ERCC6L2: variants seen among roughly 807,000 people sequenced by gnomAD.
The protein encoded by ERCC6L2 is DNA excision repair protein ERCC-6-like 2.
ERCC6L2 carries 77 observed loss-of-function variants against 132.0 expected under a neutral mutation model. That is an observed-to-expected ratio of 0.58 (90% CI 0.49 to 0.71). The LOEUF (loss-of-function observed/expected upper bound fraction) is 0.71. Among genes scored for constraint, ERCC6L2 ranks in the 30% least tolerant of loss-of-function variants. ERCC6L2 has a pLI of 0.00. For missense variants in ERCC6L2, 1,542 were observed against 1,837.6 expected, an observed-to-expected ratio of 0.84 and a Z score of 2.94; for synonymous variants, 583 against 632.4, an observed-to-expected ratio of 0.92 and a Z score of 1.17.
intron 2 of ERCC6L2, among the ~76,000 whole-genome samples, 197 bp downstream of exon 2, chr9:95,881,490 C>T (rs896666874): frequency 1.3e-5 from 2 of 152,068 alleles, no homozygotes; most frequent in African/African-American, 2.4e-5. Context: ...TTCTTCAGTA[C>T]CTATGAAATA....
chr9:95,914,089 G>A (rs1049315606), intron 4 of ERCC6L2, among the ~76,000 whole-genome samples: 3 of 152,130 alleles, frequency 2.0e-5, no homozygotes, highest in African/African-American at 4.8e-5. Flanking sequence ...TAGAACAATC[G>A]CTGTGCTTTT....
intron 17 of ERCC6L2, among the ~76,000 whole-genome samples, chr9:95,979,666 T>G (rs536867341): frequency 6.6e-6 from 1 of 152,320 alleles, no homozygotes; most frequent in Non-Finnish European, 1.5e-5. Flanking sequence ...GAAAGCATTC[T>G]TTCATGACCC....
intron 13 of ERCC6L2, among the ~76,000 whole-genome samples, chr9:95,963,762 G>A (rs1288314516): frequency 6.6e-6 from 1 of 151,938 alleles, no homozygotes; most frequent in South Asian, 2.1e-4. Flanking sequence ...AAAGAATAAG[G>A]CCTTTGTGTA....
At chr9:95,928,206 A>G (rs777674801) in intron 10 of ERCC6L2, 56 bp downstream of exon 10, 2 of 1,232,100 alleles carry the variant, frequency 1.6e-6, no homozygotes, top group Admixed American at 3.5e-5. Flanking sequence ...TGAGGCATAA[A>G]GAATAAAGCA....
In ERCC6L2 at chr9:96,010,748, G is replaced by A. The variant is rs532809370; in HGVS notation, c.3675-1477G>A. 7.9e-5 allele frequency among the ~76,000 whole-genome samples: 12 copies of A among 152,290 alleles called. No homozygotes were observed. The South Asian group carries it at 2.5e-3, about 32-fold the overall frequency. ...ACCTCATGGTAAATTTACATTATGG[G>A]TTTATCACTCTATTCTACTTTGATT... is the stretch of plus-strand genomic sequence containing the variant. On this transcript the variant is annotated intron_variant, in intron 18 of 18. Transcript: ENST00000653738.
intron 13 of ERCC6L2, among the ~76,000 whole-genome samples, chr9:95,960,943 T>C (rs183444764): frequency 1.6e-4 from 25 of 152,276 alleles, no homozygotes; most frequent in African/African-American, 5.3e-4. Context: ...ACACTTAATA[T>C]TGTTTTTGAA....
chr9:95,927,709 G>T (rs1830161829), intron 9 of ERCC6L2, among the ~76,000 whole-genome samples: 1 of 152,114 alleles, frequency 6.6e-6, no homozygotes, highest in South Asian at 2.1e-4. Context: ...TTCCTAAAAG[G>T]AATGCTGCTC....
chr9:95,964,050 G>C (rs757073803), intron 13 of ERCC6L2, among the ~76,000 whole-genome samples: 5 of 152,102 alleles, frequency 3.3e-5, no homozygotes, highest in East Asian at 1.9e-4. Context: ...TTCCTCATCA[G>C]ACCTGCACGC....
intron 4 of ERCC6L2, among the ~76,000 whole-genome samples, chr9:95,908,880 T>A (rs1305379298): frequency 6.6e-6 from 1 of 152,138 alleles, no homozygotes; most frequent in Non-Finnish European, 1.5e-5. Flanking sequence ...GGTGATACTT[T>A]CACATCAGCA....
intron 4 of ERCC6L2, 123 bp downstream of exon 4, chr9:95,907,394 G>A (rs936692569): frequency 1.0e-5 from 8 of 777,862 alleles, no homozygotes; most frequent in South Asian, 5.1e-5. Flanking sequence ...TAGTAAAGAC[G>A]GAGTTTCGCC....
intron 18 of ERCC6L2, among the ~76,000 whole-genome samples, chr9:96,008,432 C>G (rs2133213926): frequency 6.6e-6 from 1 of 152,272 alleles, no homozygotes; most frequent in South Asian, 2.1e-4. Context: ...GCTTTCTTTT[C>G]CATGTATTTG....
intron 14 of ERCC6L2, chr9:95,967,509 A>T (rs1212175242): frequency 6.6e-6 from 1 of 152,180 alleles, no homozygotes; most frequent in Non-Finnish European, 1.5e-5. Context: ...TCCTTGAGGA[A>T]CTTAAACCAT....
At chr9:95,899,469 G>A (rs1199307294) in intron 3 of ERCC6L2, among the ~76,000 whole-genome samples, 1 of 151,914 alleles carries the variant, frequency 6.6e-6, no homozygotes, top group Admixed American at 6.6e-5. Flanking sequence ...GAACAAGAAT[G>A]AAAGAAAAGA....
intron 12 of ERCC6L2, among the ~76,000 whole-genome samples, chr9:95,951,626 A>T (rs1456895886): frequency 2.0e-5 from 3 of 152,166 alleles, no homozygotes; most frequent in Non-Finnish European, 4.4e-5. Context: ...ATTGCTACTG[A>T]TTTTACAGAA....
chr9:95,932,122 T>C (rs1384985928), intron 11 of ERCC6L2, among the ~76,000 whole-genome samples: 1 of 151,912 alleles, frequency 6.6e-6, no homozygotes, highest in Admixed American at 6.6e-5. Context: ...CCAGGCTGTA[T>C]GGTGCAATCT....
chr9:95,993,590 C>T (rs1346779686), intron 17 of ERCC6L2, among the ~76,000 whole-genome samples: 1 of 152,092 alleles, frequency 6.6e-6, no homozygotes, highest in African/African-American at 2.4e-5. Context: ...ATGAGTCACC[C>T]CTATAAGTGA....
intron 12 of ERCC6L2, among the ~76,000 whole-genome samples, chr9:95,947,862 G>A (rs1186980010): frequency 6.6e-6 from 1 of 152,026 alleles, no homozygotes; most frequent in Non-Finnish European, 1.5e-5. Flanking sequence ...TAATCCCACT[G>A]TTGAGACCTA....
In ERCC6L2 at chr9:95,882,402, A is replaced by G. The variant is rs368531625; in HGVS notation, c.471+1109A>G. ...CTACAGGGTCTTTAGCTTTCCTTAG[A>G]TTTTCAAAGAGGTTTGTGATCCAAG... On this transcript the variant is annotated intron_variant, in intron 2 of 18. Transcript: ENST00000653738. Among the ~76,000 whole-genome samples the G allele has an allele frequency of 2.6e-4, 40 of 152,264 alleles. 1 individual carries two copies. In the Middle Eastern group the frequency reaches 0.014, roughly 52 times the overall value.
chr9:95,891,042 G>T (rs1028751710), intron 2 of ERCC6L2, among the ~76,000 whole-genome samples: 3 of 152,160 alleles, frequency 2.0e-5, no homozygotes, highest in Non-Finnish European at 2.9e-5. Context: ...GAGAAACTCT[G>T]TCTCTACTAA....
Sources: allele counts gnomAD v4.1 joint callset (sites outside exome capture counted in the v4.1 genomes callset), GRCh38; gene constraint gnomAD v4.1.1; transcripts MANE v1.5; gene names NCBI Gene and HGNC (gene_info 2026-07-23, HGNC 2026-07-21).